Variants in GPSM2 observed in about 807,000 individuals in gnomAD.
GPSM2 encodes G protein-signaling modulator 2.
GPSM2 carries 58 observed loss-of-function variants against 78.4 expected under a neutral mutation model. That is an observed-to-expected ratio of 0.74 (90% CI 0.60 to 0.92). The LOEUF is 0.92. Ranked by LOEUF, GPSM2 falls within the 40% of genes least tolerant of loss-of-function variation. GPSM2 has a pLI of 0.00. For missense variants in GPSM2, 700 were observed against 815.5 expected, an observed-to-expected ratio of 0.86 and a Z score of 1.73; for synonymous variants, 224 against 280.2, an observed-to-expected ratio of 0.80 and a Z score of 2.00.
chr1:108,931,360 CTG>C lies in GPSM2; in HGVS notation c.*1422_*1423del. The C allele has an allele frequency of 1.3e-6, 2 of 1,550,776 alleles. No homozygotes were observed. The highest frequency in any genetic ancestry group is 2.7e-5 in the African/African-American group (2 of 72,950). On this transcript the variant is annotated 3_prime_UTR_variant, in exon 15 of 15. Transcript: ENST00000264126. ...GGATGATAACAAAGTAACTAACTAA[CTG>C]TAGCAAAAGACAAGTATGGGACAGA...
rs374037582 is a variant in GPSM2 at position 108,903,177 on chromosome 1, A to G, written c.1005A>G (p.Leu335=). 9.9e-6 allele frequency: 16 copies of G among 1,611,806 alleles called. No individual in the cohort carries two copies. The African/African-American group carries it at 2.0e-4, about 20-fold the overall frequency. The stretch of plus-strand genomic sequence containing the variant: ...GCTTAGGAAATGCATACACAGCACT[A>G]GGAAATCATGATCAAGCAATGCATT... ...CWSLGNAYTA[L]GNHDQAMHFA... is the part of the protein sequence containing the mutation. Residue 335 remains leucine (L), a synonymous_variant, in exon 9 of 15, where the codon CTA becomes CTG. Coordinates refer to ENST00000264126, the MANE Select transcript of GPSM2 (RefSeq NM_013296.5).
In GPSM2 at chr1:108,931,113, T is replaced by C; in HGVS notation, c.*1173T>C. 2.3e-6 allele frequency: 1 copy of C among 440,956 alleles called. No individual in the cohort carries two copies. The highest frequency in any genetic ancestry group is 4.2e-5 in the East Asian group (1 of 23,536). 27.3% of individuals were successfully genotyped at this position (440,956 alleles called of 1,614,324 possible). A position where few individuals can be genotyped will look rare whatever the true frequency, so the allele number is the denominator to read the frequency against. ...TAAAAAAATTATTTAAAATGGTCTC[T>C]TCTGTTCCATAATACTGCTGTAAAA... On this transcript the variant is annotated 3_prime_UTR_variant, in exon 15 of 15. Coordinates refer to ENST00000264126, the MANE Select transcript of GPSM2 (RefSeq NM_013296.5).
chr1:108,919,826 G>GT (rs1650564117), intron 12 of GPSM2, among the ~76,000 whole-genome samples: 1 of 152,136 alleles, frequency 6.6e-6, no homozygotes, highest in Non-Finnish European at 1.5e-5. Flanking sequence ...CCATAATCTG[G>GT]TAAAAGGATC....
intron 10 of GPSM2, among the ~76,000 whole-genome samples, chr1:108,906,854 A>G (rs1245997990): frequency 1.3e-5 from 2 of 152,186 alleles, no homozygotes; most frequent in Non-Finnish European, 2.9e-5. Flanking sequence ...GCTGGAGTGC[A>G]GTGACGGAAC....
At chr1:108,885,629 G>GTTTTTAA (rs1304776771) in intron 2 of GPSM2, 51 bp downstream of exon 2, 5 of 1,049,690 alleles carry the variant, frequency 4.8e-6, no homozygotes, top group Non-Finnish European at 7.5e-6. Flanking sequence ...ATTTTAAAGT[G>GTTTTTAA]TTTTTAACTC....
chr1:108,924,866 G>A (rs1400519711), intron 14 of GPSM2, among the ~76,000 whole-genome samples: 2 of 152,144 alleles, frequency 1.3e-5, no homozygotes, highest in Admixed American at 6.5e-5. Context: ...GTATTAGGAA[G>A]GTACTGGGAG....
intron 10 of GPSM2, among the ~76,000 whole-genome samples, chr1:108,912,953 A>AT (rs1304445037): frequency 6.6e-6 from 1 of 152,148 alleles, no homozygotes; most frequent in African/African-American, 2.4e-5. Flanking sequence ...CAAATAGCCC[A>AT]TAAATATATG....
intron 2 of GPSM2, among the ~76,000 whole-genome samples, chr1:108,889,671 C>T (rs1334382821): frequency 6.6e-6 from 1 of 152,148 alleles, no homozygotes; most frequent in Non-Finnish European, 1.5e-5. Context: ...TTTACACCGC[C>T]ATAGCTATAA....
intron 10 of GPSM2, 139 bp downstream of exon 10, chr1:108,904,393 CT>C: frequency 2.7e-6 from 1 of 371,382 alleles, no homozygotes; most frequent in East Asian, 4.5e-5. Flanking sequence ...CTGTACACAG[CT>C]CTGTTTGTAA....
intron 13 of GPSM2, 76 bp from the exon 14 acceptor site, chr1:108,923,924 A>G (rs962731525): frequency 2.7e-5 from 29 of 1,069,992 alleles, no homozygotes; most frequent in Non-Finnish European, 3.9e-5. Context: ...CTAGGTATAT[A>G]ATAAATGTGC....
chr1:108,914,406 A>G lies in GPSM2; in HGVS notation c.1261A>G (p.Lys421Glu). Residue 421 changes from lysine (K) to glutamate (E), a missense_variant and splice_region_variant, in exon 11 of 15, where the codon AAG becomes GAG. Lys to Glu is a moderately conservative substitution (Grantham distance 56, BLOSUM62 1). Transcript: ENST00000264126. ...NMELMKLTPE[K>E]VQNWNSEILA... ...GGAACTTATGAAGTTAACACCAGAA[A>G]AGGTGGGTGGCAGGTTTTATGTTTT... 1 of 1,601,584 alleles carries G rather than the reference A, an allele frequency of 6.2e-7. No homozygotes were observed. The highest frequency in any genetic ancestry group is 1.1e-5 in the South Asian group (1 of 90,526).
chr1:108,919,594 C>T (rs959650814), intron 12 of GPSM2, among the ~76,000 whole-genome samples: 4 of 151,858 alleles, frequency 2.6e-5, no homozygotes, highest in Non-Finnish European at 1.5e-5. Context: ...AAAAGTTAGC[C>T]AGGTATGGTG....
At chr1:108,892,154 G>C (rs766257243) in intron 2 of GPSM2, among the ~76,000 whole-genome samples, 4 of 152,126 alleles carry the variant, frequency 2.6e-5, no homozygotes, top group African/African-American at 9.7e-5. Flanking sequence ...AAAATGGAGA[G>C]TAGTCTTATT....
rs2101399480 is a variant in GPSM2 at position 108,897,182 on chromosome 1, T to A, written c.278+97T>A. 13 of 913,686 alleles carry A rather than the reference T, an allele frequency of 1.4e-5. No individual in the cohort carries two copies. In the South Asian group the frequency reaches 1.5e-4, roughly 11 times the overall value. The allele number at this position is 913,686 out of a possible 1,614,324, so 56.6% of individuals were successfully genotyped here. A position where few individuals can be genotyped will look rare whatever the true frequency, so the allele number is the denominator to read the frequency against. The stretch of plus-strand genomic sequence containing the variant: ...ATTAACAAAAACTAACTTAATACAT[T>A]TAATGAGTTCTACTTCAGTAACATC... On this transcript the variant is annotated intron_variant, in intron 3 of 14. Coordinates refer to ENST00000264126, the MANE Select transcript of GPSM2 (RefSeq NM_013296.5).
Position 108,931,002 on chromosome 1 carries a change from T to A in GPSM2, c.*1062T>A, listed in dbSNP as rs2101585636. ...AGGAGGTGGAGGCTGCACTGAGCTA[T>A]GATCGTGCCACTGCACTCCAGCCTG... On this transcript the variant is annotated 3_prime_UTR_variant, in exon 15 of 15. Transcript: ENST00000264126. 5.1e-6 allele frequency: 1 copy of A among 194,446 alleles called. No individual in the cohort carries two copies. Among genetic ancestry groups the A allele is most frequent in the East Asian group, 1.6e-4 (1 of 6,318 alleles). The allele number at this position is 194,446 out of a possible 1,614,324, so 12.0% of individuals were successfully genotyped here. A position where few individuals can be genotyped will look rare whatever the true frequency, so the allele number is the denominator to read the frequency against.
In GPSM2 at chr1:108,911,799, A is replaced by ATTTTT. The variant is rs71069618; in HGVS notation, c.1193-2519_1193-2515dup. 2.4e-4 allele frequency among the ~76,000 whole-genome samples: 26 copies of ATTTTT among 108,714 alleles called. 1 individual carries two copies. The highest frequency in any genetic ancestry group is 8.4e-4 in the African/African-American group (23 of 27,222). The allele number at this position is 108,714 out of a possible 152,430, so 71.3% of individuals were successfully genotyped here. A position where few individuals can be genotyped will look rare whatever the true frequency, so the allele number is the denominator to read the frequency against. On this transcript the variant is annotated intron_variant, in intron 10 of 14. Coordinates refer to ENST00000264126, the MANE Select transcript of GPSM2 (RefSeq NM_013296.5). ...TAAACCATACTCAAGTGGGAAGACA[A>ATTTTT]TTTTTTTTTTTTTTTTTTTTTTTTA...
At chr1:108,884,262 T>C (rs1017128179) in intron 1 of GPSM2, among the ~76,000 whole-genome samples, 2 of 152,134 alleles carry the variant, frequency 1.3e-5, no homozygotes, top group African/African-American at 4.8e-5. Context: ...CATTGAGTTA[T>C]TAATATCAGT....
intron 10 of GPSM2, among the ~76,000 whole-genome samples, 180 bp from the exon 11 acceptor site, chr1:108,914,158 T>C (rs1649991911): frequency 6.6e-6 from 1 of 152,240 alleles, no homozygotes; most frequent in African/African-American, 2.4e-5. Context: ...GGAATGTATA[T>C]TCTATTTTTG....
At chr1:108,926,530 A>G (rs1034287736) in intron 14 of GPSM2, 4 of 152,242 alleles carry the variant, frequency 2.6e-5, no homozygotes, top group African/African-American at 9.6e-5. Context: ...CCCCTGCTGT[A>G]AAGGATTTTA....
Sources: gnomAD v4.1 joint callset for allele counts (sites outside exome capture counted in the v4.1 genomes callset) on GRCh38, gnomAD v4.1.1 for gene constraint, MANE v1.5 for transcripts, NCBI Gene and HGNC (gene_info 2026-07-23, HGNC 2026-07-21) for gene names.